RGS6: variants seen among roughly 807,000 people sequenced by gnomAD.
RGS6 encodes the protein regulator of G-protein signaling 6.
RGS6 carries 30 observed loss-of-function variants against 78.5 expected under a neutral mutation model. The ratio of observed to expected loss-of-function variants is 0.38; its 90% confidence interval spans 0.29 to 0.52. RGS6 has a LOEUF of 0.52. RGS6 is among the 20% of genes least tolerant of loss of function. The pLI, the probability that RGS6 is intolerant of heterozygous loss-of-function variation, is 0.85. For missense variants in RGS6, 495 were observed against 609.7 expected (o/e 0.81, Z 1.98); for synonymous variants, 206 against 206.0 (o/e 1.00, Z 0.00).
intron 2 of RGS6, among the ~76,000 whole-genome samples, chr14:72,044,115 C>T (rs1243833675): frequency 6.6e-6 from 1 of 152,184 alleles, no homozygotes; most frequent in Non-Finnish European, 1.5e-5. Flanking sequence ...AAACATTCTT[C>T]ACTTCTGTTT....
At chr14:72,534,887 TTGTC>T (rs1437401954) in intron 15 of RGS6, among the ~76,000 whole-genome samples, 2 of 152,164 alleles carry the variant, frequency 1.3e-5, no homozygotes, top group Non-Finnish European at 2.9e-5. Flanking sequence ...ACTAGGGCCT[TTGTC>T]TGGCTTCATG....
intron 2 of RGS6, among the ~76,000 whole-genome samples, chr14:72,050,538 T>C (rs540354480): frequency 2.0e-5 from 3 of 152,316 alleles, no homozygotes; most frequent in African/African-American, 7.2e-5. Context: ...TACTCTTTAG[T>C]CTTGATACAT....
At chr14:71,899,538 C>T in the RGS6 span, among the ~76,000 whole-genome samples, 2 of 152,178 alleles carry the variant, frequency 1.3e-5, no homozygotes, top group Non-Finnish European at 2.9e-5. Context: ...TCCTGTGTGG[C>T]ATAAACAAAT....
At chr14:72,046,295 C>T (rs905571063) in intron 2 of RGS6, among the ~76,000 whole-genome samples, 3 of 150,658 alleles carry the variant, frequency 2.0e-5, no homozygotes, top group Non-Finnish European at 4.4e-5. Flanking sequence ...ACACACCTCT[C>T]ATTTTATTTT....
chr14:72,155,398 G>A (rs1010321637), intron 2 of RGS6, among the ~76,000 whole-genome samples: 2 of 152,214 alleles, frequency 1.3e-5, no homozygotes, highest in African/African-American at 4.8e-5. Flanking sequence ...CAGAACTCAA[G>A]ATGACCTTAA....
At chr14:71,884,105 C>G in the RGS6 span, among the ~76,000 whole-genome samples, 1 of 152,216 alleles carries the variant, frequency 6.6e-6, no homozygotes, top group Non-Finnish European at 1.5e-5. Context: ...AGAACCCTCT[C>G]TTAGCATCTG....
At chr14:72,168,665 C>T (rs1377229690) in intron 2 of RGS6, among the ~76,000 whole-genome samples, 1 of 152,018 alleles carries the variant, frequency 6.6e-6, no homozygotes, top group African/African-American at 2.4e-5. Context: ...TAGCTACTAA[C>T]AAGTTTAAAG....
chr14:72,176,098 CCT>C (rs1415673604), intron 2 of RGS6, among the ~76,000 whole-genome samples: 2 of 152,130 alleles, frequency 1.3e-5, no homozygotes, highest in Non-Finnish European at 2.9e-5. Flanking sequence ...CATAGGTGGC[CCT>C]GAGTCCCTGT....
chr14:72,418,822 C>T (rs2093996589), intron 3 of RGS6, among the ~76,000 whole-genome samples: 1 of 152,210 alleles, frequency 6.6e-6, no homozygotes, highest in African/African-American at 2.4e-5. Flanking sequence ...GAATTACAGC[C>T]ATAGCACCAT....
chr14:72,030,264 A>T (rs2090627408), intron 2 of RGS6, among the ~76,000 whole-genome samples: 1 of 152,222 alleles, frequency 6.6e-6, no homozygotes, highest in Non-Finnish European at 1.5e-5. Flanking sequence ...TGGTAGATGT[A>T]AACACAAATA....
chr14:71,997,119 T>C (rs1167299341), intron 2 of RGS6, among the ~76,000 whole-genome samples: 1 of 152,106 alleles, frequency 6.6e-6, no homozygotes, highest in Non-Finnish European at 1.5e-5. Flanking sequence ...ACACCTGAGA[T>C]GGAGAGGTGA....
intron 3 of RGS6, among the ~76,000 whole-genome samples, chr14:72,391,712 T>A (rs976648409): frequency 2.6e-5 from 4 of 152,218 alleles, no homozygotes; most frequent in Non-Finnish European, 4.4e-5. Context: ...ACTCGTCATT[T>A]ACATTAGTTA....
At chr14:72,051,753 A>G (rs1247649010) in intron 2 of RGS6, among the ~76,000 whole-genome samples, 2 of 152,252 alleles carry the variant, frequency 1.3e-5, no homozygotes, top group East Asian at 3.8e-4. Flanking sequence ...ATCAGGAGTT[A>G]CAGCCATAAC....
At chr14:72,120,507 A>C (rs1293450738) in intron 2 of RGS6, among the ~76,000 whole-genome samples, 1 of 152,190 alleles carries the variant, frequency 6.6e-6, no homozygotes, top group Non-Finnish European at 1.5e-5. Flanking sequence ...CATATTATGA[A>C]ACCACACATA....
chr14:71,941,504 A>T (rs1426663216), intron 1 of RGS6, among the ~76,000 whole-genome samples: 3 of 152,232 alleles, frequency 2.0e-5, no homozygotes. Context: ...TAGGGAGTTT[A>T]TTAAGTATTC....
the RGS6 span, among the ~76,000 whole-genome samples, chr14:71,910,668 T>C: frequency 2.0e-5 from 3 of 152,106 alleles, no homozygotes; most frequent in Admixed American, 1.3e-4. Flanking sequence ...GACAGCAGCA[T>C]TGGGTAAAGA....
intron 2 of RGS6, among the ~76,000 whole-genome samples, chr14:72,028,758 G>A (rs2153320991): frequency 6.6e-6 from 1 of 152,334 alleles, no homozygotes; most frequent in Admixed American, 6.5e-5. Flanking sequence ...TTTGGCTTTA[G>A]TGAAATTTTT....
At position 72,080,863 on chromosome 14, in the gene RGS6, G is replaced by C. The variant is rs2094793370; in HGVS notation, c.84+115988G>C. Among the ~76,000 whole-genome samples, 5 of 152,174 alleles carry C rather than the reference G, an allele frequency of 3.3e-5. No individual in the cohort carries two copies. The South Asian group carries it at 1.0e-3, about 32-fold the overall frequency. On this transcript the variant is annotated intron_variant, in intron 2 of 17. Coordinates refer to ENST00000553525, the MANE Select transcript of RGS6 (RefSeq NM_001204424.2). ...GATTTATTTCTGGGCTTTCTACCTT[G>C]TTCCATTGGCCTAAGTGTCTGTTTT...
At position 72,563,096 on chromosome 14, in the gene RGS6, C is replaced by G. The variant is rs1329084804; in HGVS notation, c.*629C>G. 3 of 368,266 alleles carry G rather than the reference C, an allele frequency of 8.1e-6. No individual in the cohort carries two copies. Among genetic ancestry groups the G allele is most frequent in the Non-Finnish European group, 1.0e-5 (2 of 194,036 alleles). The allele number at this position is 368,266 out of a possible 1,614,324, so 22.8% of individuals were successfully genotyped here. On this transcript the variant is annotated 3_prime_UTR_variant, in exon 18 of 18. Coordinates refer to ENST00000553525, the MANE Select transcript of RGS6 (RefSeq NM_001204424.2). ...TGCCCCGCCTCAAGGTCTTTCCACC[C>G]TCTTTGAGATCAGCGTTCGGAGAGG...
Sources: gnomAD v4.1 joint callset for allele counts (sites outside exome capture counted in the v4.1 genomes callset) on GRCh38, gnomAD v4.1.1 for gene constraint, MANE v1.5 for transcripts, NCBI Gene and HGNC (gene_info 2026-07-23, HGNC 2026-07-21) for gene names.